Variants in LANCL2 observed in about 807,000 individuals in gnomAD.
LANCL2 encodes the protein lanC-like protein 2.
A neutral mutation model predicts 56.9 loss-of-function variants in LANCL2; 33 were observed. The observed-to-expected ratio is 0.58, with a 90% CI of 0.44 to 0.78. LANCL2 has a LOEUF of 0.78. LANCL2 is among the 30% of genes least tolerant of loss of function. The probability of loss-of-function intolerance (pLI) is 0.00; values close to 1 mark genes in which losing one functional copy is unlikely to be tolerated. For missense variants in LANCL2, 562 were observed against 580.2 expected, an observed-to-expected ratio of 0.97 and a Z score of 0.32; for synonymous variants, 233 against 228.2, an observed-to-expected ratio of 1.02 and a Z score of -0.19.
intron 8 of LANCL2, among the ~76,000 whole-genome samples, 197 bp from the exon 9 acceptor site, chr7:55,431,025 TAGTG>T (rs1303356971): frequency 6.6e-6 from 1 of 152,188 alleles, no homozygotes; most frequent in Non-Finnish European, 1.5e-5. Context: ...AAATATAAGA[TAGTG>T]AGGAAAACTG....
intron 5 of LANCL2, among the ~76,000 whole-genome samples, chr7:55,402,599 GGATGACCCCCCCACCTCCCTCCC>G (rs1790350089): frequency 2.6e-5 from 3 of 116,206 alleles, no homozygotes; most frequent in Non-Finnish European, 3.7e-5. Flanking sequence ...GCCAGGCGGG[GGATGACCCCCCCACCTCCCTCCC>G]GGATGGGGCG....
At chr7:55,429,243 A>G (rs143780387) in intron 8 of LANCL2, among the ~76,000 whole-genome samples, 3 of 152,338 alleles carry the variant, frequency 2.0e-5, no homozygotes, top group Admixed American at 6.5e-5. Context: ...AATTGGTGGA[A>G]GAATTGGTAT....
In LANCL2 at chr7:55,433,342, T is replaced by A. The variant is rs917702460; in HGVS notation, c.*2022T>A. On this transcript the variant is annotated 3_prime_UTR_variant, in exon 9 of 9. Coordinates refer to ENST00000254770, the MANE Select transcript of LANCL2 (RefSeq NM_018697.4). ...AGGAGATTTTATTTACAGATTTTTT[T>A]AAAAGCCACCTGGGTTGACACCTTC... The A allele has an allele frequency of 4.6e-4, 70 of 152,250 alleles. No homozygotes were observed. The highest frequency in any genetic ancestry group is 1.5e-3 in the African/African-American group (61 of 41,468). The allele number at this position is 152,250 out of a possible 1,614,324, so 9.4% of individuals were successfully genotyped here.
At chr7:55,391,651 G>C (rs1790192253) in intron 1 of LANCL2, 142 bp from the exon 2 acceptor site, 1 of 505,140 alleles carries the variant, frequency 2.0e-6, no homozygotes, top group Non-Finnish European at 3.6e-6. Context: ...AACCAAGATA[G>C]ACTCCAACCA....
Position 55,431,266 on chromosome 7 carries a change from A to T in LANCL2, c.1299A>T (p.Gly433=). 1 of 1,613,852 alleles carries T rather than the reference A, an allele frequency of 6.2e-7. No homozygotes were observed. The highest frequency in any genetic ancestry group is 1.1e-5 in the South Asian group (1 of 91,040). ...GAIHFLSDVL[G]PETSRFPAFE... ...TTCACTTTCTCTCTGATGTCCTGGG[A>T]CCAGAGACATCACGGTTTCCAGCAT... The change falls in exon 9 of 9, where the codon GGA becomes GGT. Residue 433 remains glycine, a synonymous_variant. Transcript: ENST00000254770.
Position 55,365,804 on chromosome 7 carries a change from G to A in LANCL2, c.-222G>A, listed in dbSNP as rs1393212980. On this transcript the variant is annotated 5_prime_UTR_variant, in exon 1 of 9. Coordinates refer to ENST00000254770, the MANE Select transcript of LANCL2 (RefSeq NM_018697.4). ...GAGCAGGGCAAAGGCGCCAGGAACA[G>A]GGCAGAGGCACAGCGCCCACCGCCT... is the stretch of plus-strand genomic sequence containing the variant. The A allele has an allele frequency of 1.2e-5, 5 of 431,480 alleles. No individual in the cohort carries two copies. The highest frequency in any genetic ancestry group is 7.3e-5 in the East Asian group (2 of 27,520). 26.7% of individuals were successfully genotyped at this position (431,480 alleles called of 1,614,324 possible).
At chr7:55,385,581 G>T (rs979289989) in intron 1 of LANCL2, among the ~76,000 whole-genome samples, 1 of 152,156 alleles carries the variant, frequency 6.6e-6, no homozygotes, top group Non-Finnish European at 1.5e-5. Flanking sequence ...AGGGGAGGGG[G>T]TATACGAATA....
intron 5 of LANCL2, among the ~76,000 whole-genome samples, chr7:55,402,095 T>G (rs1790336531): frequency 1.5e-5 from 2 of 137,062 alleles, no homozygotes; most frequent in African/African-American, 2.8e-5. Context: ...GCAGAGGGGC[T>G]CCTCACTTCC....
At chr7:55,391,117 C>T (rs904654974) in intron 1 of LANCL2, among the ~76,000 whole-genome samples, 18 of 150,672 alleles carry the variant, frequency 1.2e-4, no homozygotes, top group Non-Finnish European at 2.4e-4. Context: ...CCCGGGTTCA[C>T]GCCATTCTCC....
chr7:55,411,066 CAT>C (rs1790465249), intron 5 of LANCL2, among the ~76,000 whole-genome samples: 2 of 152,266 alleles, frequency 1.3e-5, no homozygotes, highest in South Asian at 4.2e-4. Flanking sequence ...ACCCCAAAGA[CAT>C]TGTGTGGCAT....
At chr7:55,429,248 T>G (rs112333976) in intron 8 of LANCL2, among the ~76,000 whole-genome samples, 1 of 152,354 alleles carries the variant, frequency 6.6e-6, no homozygotes, top group Non-Finnish European at 1.5e-5. Flanking sequence ...GTGGAAGAAT[T>G]GGTATTAGTG....
At chr7:55,399,689 TG>T (rs1168839093) in intron 3 of LANCL2, among the ~76,000 whole-genome samples, 1 of 152,194 alleles carries the variant, frequency 6.6e-6, no homozygotes, top group Non-Finnish European at 1.5e-5. Flanking sequence ...CTTTTACTTC[TG>T]GATTTCAAAA....
intron 7 of LANCL2, among the ~76,000 whole-genome samples, chr7:55,426,507 T>C (rs1413733081): frequency 1.3e-5 from 2 of 152,174 alleles, no homozygotes; most frequent in African/African-American, 4.8e-5. Flanking sequence ...TCTGAAGACT[T>C]CTCAACCCCA....
At chr7:55,414,293 C>A (rs1029611459) in intron 6 of LANCL2, among the ~76,000 whole-genome samples, 1 of 150,190 alleles carries the variant, frequency 6.7e-6, no homozygotes, top group Non-Finnish European at 1.5e-5. Context: ...GTGGGGGAGG[C>A]AAAACTAGGG....
chr7:55,429,147 T>C (rs562324444), intron 8 of LANCL2, among the ~76,000 whole-genome samples: 40 of 152,374 alleles, frequency 2.6e-4, no homozygotes, highest in Admixed American at 1.7e-3. Context: ...TGTCTTTCTC[T>C]GGTTTTGGTA....
chr7:55,403,437 GAGAGGGAGAGGGAGAGGGAGA>G (rs1302578939), intron 5 of LANCL2, among the ~76,000 whole-genome samples: 1 of 137,570 alleles, frequency 7.3e-6, no homozygotes, highest in African/African-American at 3.4e-5. Context: ...ACCGTGGAAA[GAGAGGGAGAGGGAGAGGGAGA>G]GGAGGGAGAG....
In LANCL2 at chr7:55,365,834, G is replaced by A. The variant is rs1789853232; in HGVS notation, c.-192G>A. ...GAGGCACAGCGCCCACCGCCTCTGCGGCCGCCTGATGTGCGAGCAGCCCGC... is the reference window on the plus strand; with the variant it reads ...GAGGCACAGCGCCCACCGCCTCTGCAGCCGCCTGATGTGCGAGCAGCCCGC... On this transcript the variant is annotated 5_prime_UTR_variant, in exon 1 of 9. Transcript: ENST00000254770. 2 of 453,866 alleles carry A rather than the reference G, an allele frequency of 4.4e-6. No homozygotes were observed. Among genetic ancestry groups the A allele is most frequent in the Admixed American group, 4.4e-5 (1 of 22,818 alleles). 28.1% of individuals were successfully genotyped at this position (453,866 alleles called of 1,614,324 possible).
intron 1 of LANCL2, among the ~76,000 whole-genome samples, chr7:55,377,517 G>GA (rs1156720343): frequency 5.9e-5 from 9 of 151,390 alleles, no homozygotes; most frequent in African/African-American, 1.9e-4. Flanking sequence ...CCGTCCCCAG[G>GA]AAAAAAGCTT....
At chr7:55,418,597 C>A (rs1359668228) in intron 6 of LANCL2, among the ~76,000 whole-genome samples, 1 of 152,172 alleles carries the variant, frequency 6.6e-6, no homozygotes, top group Admixed American at 6.5e-5. Context: ...TGTGAGTTTT[C>A]TTCTTCCTTT....
Sources: gnomAD v4.1 joint callset for allele counts (sites outside exome capture counted in the v4.1 genomes callset) on GRCh38, gnomAD v4.1.1 for gene constraint, MANE v1.5 for transcripts, NCBI Gene and HGNC (gene_info 2026-07-23, HGNC 2026-07-21) for gene names.